TES: variants seen among roughly 807,000 people sequenced by gnomAD.
TES encodes the protein testin.
TES carries 41 observed loss-of-function variants against 48.2 expected under a neutral mutation model. The observed-to-expected ratio is 0.85, with a 90% confidence interval of 0.66 to 1.10. The LOEUF is 1.10. Among genes scored for constraint, TES ranks in the 50% least tolerant of loss-of-function variants. The probability of loss-of-function intolerance (pLI) is 0.00; values close to 1 mark genes in which losing one functional copy is unlikely to be tolerated. For missense variants in TES, 463 were observed against 515.1 expected, an observed-to-expected ratio of 0.90 and a Z score of 0.98; for synonymous variants, 162 against 174.9, an observed-to-expected ratio of 0.93 and a Z score of 0.58.
intron 2 of TES, among the ~76,000 whole-genome samples, chr7:116,240,451 C>G (rs1039943349): frequency 6.6e-6 from 1 of 151,974 alleles, no homozygotes; most frequent in Non-Finnish European, 1.5e-5. Context: ...CAGGCTCGCT[C>G]TTTCTCTCTC....
chr7:116,228,509 C>G (rs1799653330), intron 1 of TES, among the ~76,000 whole-genome samples: 1 of 152,132 alleles, frequency 6.6e-6, no homozygotes, highest in African/African-American at 2.4e-5. Context: ...TTTTTAGGCA[C>G]TAAGTGTTGA....
At chr7:116,244,453 C>A (rs1446544878) in intron 2 of TES, among the ~76,000 whole-genome samples, 1 of 152,178 alleles carries the variant, frequency 6.6e-6, no homozygotes, top group Non-Finnish European at 1.5e-5. Context: ...GTTAAAATTC[C>A]AAAATGTCCT....
intron 3 of TES, 149 bp downstream of exon 3, chr7:116,249,421 A>C: frequency 1.1e-6 from 1 of 947,018 alleles, no homozygotes; most frequent in Non-Finnish European, 1.5e-6. Flanking sequence ...TTCCTGTTCT[A>C]GTCTTTTGAA....
intron 1 of TES, among the ~76,000 whole-genome samples, chr7:116,219,709 G>C (rs1187773628): frequency 6.6e-6 from 1 of 152,170 alleles, no homozygotes; most frequent in African/African-American, 2.4e-5. Flanking sequence ...ACGTGGGAAT[G>C]AAGGATTGGG....
intron 1 of TES, among the ~76,000 whole-genome samples, chr7:116,234,235 A>C (rs148073986): frequency 6.6e-6 from 1 of 152,262 alleles, no homozygotes; most frequent in African/African-American, 2.4e-5. Context: ...ACTATGGGGC[A>C]AGTAGTGGCC....
chr7:116,244,912 A>C (rs1306652306), intron 2 of TES, among the ~76,000 whole-genome samples: 1 of 152,204 alleles, frequency 6.6e-6, no homozygotes, highest in East Asian at 1.9e-4. Context: ...GCACCCTCTG[A>C]AGCAATGGGC....
chr7:116,251,544 G>C, intron 4 of TES: 1 of 498,772 alleles, frequency 2.0e-6, no homozygotes, highest in Non-Finnish European at 3.7e-6. Flanking sequence ...TTAGCCGGGC[G>C]TGGTGGCAGG....
chr7:116,234,474 T>C, intron 1 of TES, 60 bp from the exon 2 acceptor site: 1 of 1,453,912 alleles, frequency 6.9e-7, no homozygotes. Flanking sequence ...GTGCAATTTA[T>C]TGAATTTTTA....
chr7:116,223,018 AT>A (rs1438509044), intron 1 of TES: 1 of 984,120 alleles, frequency 1.0e-6, no homozygotes, highest in African/African-American at 1.7e-5. Context: ...CAGAAGAGGT[AT>A]TCTATTGGTA....
At chr7:116,236,410 A>G (rs1469297737) in intron 2 of TES, among the ~76,000 whole-genome samples, 2 of 152,190 alleles carry the variant, frequency 1.3e-5, no homozygotes, top group African/African-American at 2.4e-5. Context: ...TATTTAAAAT[A>G]TGTATAAAAT....
chr7:116,229,145 T>G lies in TES; in HGVS notation c.28-5389T>G, dbSNP rs1051747795. Among the ~76,000 whole-genome samples, 84 of 151,852 alleles carry G rather than the reference T, an allele frequency of 5.5e-4. 1 individual carries two copies. The highest frequency in any genetic ancestry group is 2.0e-3 in the African/African-American group (82 of 41,396). On this transcript the variant is annotated intron_variant, in intron 1 of 6. Coordinates refer to ENST00000358204, the MANE Select transcript of TES (RefSeq NM_015641.4). Reference sequence around the variant, plus strand: ...AGATTTCACTTTCTAAACAGCTAGTTCGCCTTAGCTGAGGAGCTAAGCCTC... The same window carrying G: ...AGATTTCACTTTCTAAACAGCTAGTGCGCCTTAGCTGAGGAGCTAAGCCTC...
chr7:116,232,921 A>G (rs1799720018), intron 1 of TES, among the ~76,000 whole-genome samples: 1 of 152,230 alleles, frequency 6.6e-6, no homozygotes, highest in Admixed American at 6.5e-5. Flanking sequence ...TGTGTGGACC[A>G]GTTGGGTTTG....
At position 116,251,826 on chromosome 7, in the gene TES, TATG is replaced by T. The variant is rs866069838; in HGVS notation, c.772_774del (p.Asp258del). The T allele has an allele frequency of 1.5e-5, 24 of 1,614,214 alleles. No homozygotes were observed. Among genetic ancestry groups the T allele is most frequent in the Non-Finnish European group, 1.9e-5 (23 of 1,180,028 alleles). On this transcript the variant is annotated inframe_deletion, in exon 5 of 7. Coordinates refer to ENST00000358204, the MANE Select transcript of TES (RefSeq NM_015641.4). ...AGCCATCTATGCCGAAAGGGCTGGC[TATG>T]ATAAACTGTGGCACCCAGCTTGTTT...
At chr7:116,218,396 A>G (rs1012368383) in intron 1 of TES, among the ~76,000 whole-genome samples, 1 of 152,144 alleles carries the variant, frequency 6.6e-6, no homozygotes, top group Non-Finnish European at 1.5e-5. Context: ...GCTTTGTTTG[A>G]TGATAAAGTG....
intron 3 of TES, 44 bp from the exon 4 acceptor site, chr7:116,250,117 C>T (rs753806399): frequency 1.4e-6 from 2 of 1,470,592 alleles, no homozygotes; most frequent in South Asian, 1.5e-5. Context: ...CATCACACTG[C>T]CTAATGGCCA....
intron 1 of TES, among the ~76,000 whole-genome samples, chr7:116,230,998 T>C (rs1799692730): frequency 6.6e-6 from 1 of 152,220 alleles, no homozygotes; most frequent in Non-Finnish European, 1.5e-5. Flanking sequence ...TGCAAGAGTG[T>C]TTCTGGAAAA....
chr7:116,256,345 C>T (rs527875200), intron 6 of TES, among the ~76,000 whole-genome samples: 37 of 152,286 alleles, frequency 2.4e-4, no homozygotes, highest in African/African-American at 8.2e-4. Context: ...AATCACATTA[C>T]GAGACCAAGG....
chr7:116,218,249 A>G (rs1469566747), intron 1 of TES, among the ~76,000 whole-genome samples: 1 of 152,158 alleles, frequency 6.6e-6, no homozygotes, highest in Admixed American at 6.5e-5. Context: ...GAAAAGCTGT[A>G]AACAGGAGTT....
chr7:116,244,791 G>A (rs1799898567), intron 2 of TES, among the ~76,000 whole-genome samples: 3 of 152,140 alleles, frequency 2.0e-5, no homozygotes, highest in African/African-American at 7.2e-5. Context: ...GGACATTCAG[G>A]CATTTTCATA....
Sources: allele counts gnomAD v4.1 joint callset (sites outside exome capture counted in the v4.1 genomes callset), GRCh38; gene constraint gnomAD v4.1.1; transcripts MANE v1.5; gene names NCBI Gene and HGNC (gene_info 2026-07-23, HGNC 2026-07-21).